ENDOU: variants seen among roughly 807,000 people sequenced by gnomAD.
ENDOU encodes uridylate-specific endoribonuclease.
A neutral mutation model predicts 54.2 loss-of-function variants in ENDOU; 49 were observed. That is an observed-to-expected ratio of 0.90 (90% CI 0.72 to 1.15). ENDOU has a LOEUF of 1.15. Among genes scored for constraint, ENDOU ranks in the 50% most tolerant of loss-of-function variants. The pLI is 0.00. For missense variants in ENDOU, 458 were observed against 511.4 expected (o/e 0.90, Z 1.01); for synonymous variants, 172 against 190.5 (o/e 0.90, Z 0.80).
At chr12:47,724,304 T>G (rs1044634740) in intron 1 of ENDOU, among the ~76,000 whole-genome samples, 2 of 152,156 alleles carry the variant, frequency 1.3e-5, no homozygotes, top group East Asian at 3.9e-4. Flanking sequence ...CAGGCAGAGC[T>G]GGTTTCTGGT....
Position 47,711,740 on chromosome 12 carries a change from G to A in ENDOU, c.1008C>T (p.Phe336=). The A allele has an allele frequency of 6.2e-7, 1 of 1,614,210 alleles. No homozygotes were observed. Among genetic ancestry groups the A allele is most frequent in the Non-Finnish European group, 8.5e-7 (1 of 1,180,042 alleles). Residue 336 remains phenylalanine, a synonymous_variant, in exon 9 of 10, where the codon TTC becomes TTT. Transcript: ENST00000422538. Reference sequence around the variant, plus strand: ...CTTCCTTATAGTAGCCGTCCCAGTTGAACTGCATTGCCAGCACATCGGGGT... The same window carrying A: ...CTTCCTTATAGTAGCCGTCCCAGTTAAACTGCATTGCCAGCACATCGGGGT... ...DSYPDVLAMQ[F]NWDGYYKEVG...
rs201321620 is a variant in ENDOU, at chr12:47,713,386, G to A, written c.754C>T (p.Arg252Cys). The A allele has an allele frequency of 4.5e-5, 72 of 1,612,044 alleles. No individual in the cohort carries two copies. The highest frequency in any genetic ancestry group is 1.0e-4 in the Admixed American group (6 of 60,030). The stretch of plus-strand genomic sequence containing the variant: ...ACAAACTCTTGCTCTGAGCCATAGC[G>A]ATCTGCAGAGGAACACAAAGGGTTT... ...ELYSFLHHQN[R>C]YGSEQEFVDD... The change falls in exon 7 of 10, where the codon CGC (arginine) becomes TGC (cysteine). Residue 252 changes from arginine (R) to cysteine (C), a missense_variant and splice_region_variant. Arg to Cys is a radical substitution (Grantham distance 180). Coordinates refer to ENST00000422538, the MANE Select transcript of ENDOU (RefSeq NM_001172439.2).
At chr12:47,713,627 A>G (rs1163402236) in intron 6 of ENDOU, among the ~76,000 whole-genome samples, 1 of 152,062 alleles carries the variant, frequency 6.6e-6, no homozygotes, top group Non-Finnish European at 1.5e-5. Context: ...TATCTATATT[A>G]CATTCCACTG....
At chr12:47,717,714 C>G in intron 3 of ENDOU, 59 bp from the exon 4 acceptor site, 2 of 1,572,812 alleles carry the variant, frequency 1.3e-6, no homozygotes, top group Non-Finnish European at 1.7e-6. Flanking sequence ...CTGAACGCCC[C>G]ACAGGCTGTC....
At chr12:47,717,148 C>T (rs576713621) in intron 4 of ENDOU, 90 bp from the exon 5 acceptor site, 15 of 1,111,988 alleles carry the variant, frequency 1.3e-5, no homozygotes, top group East Asian at 1.2e-4. Flanking sequence ...TCCTGGGCAC[C>T]TTCAAGAAGC....
Position 47,710,581 on chromosome 12 carries a change from G to A in ENDOU, c.*221C>T. ...TGGACTCTGTTTCTTAGTCAACATT[G>A]CCAAAATTCTAGAGGATAAAGGTTT... On this transcript the variant is annotated 3_prime_UTR_variant, in exon 10 of 10. Transcript: ENST00000422538. 2.1e-6 allele frequency: 1 copy of A among 477,146 alleles called. No homozygotes were observed. Among genetic ancestry groups the A allele is most frequent in the East Asian group, 3.7e-5 (1 of 27,164 alleles). 29.6% of individuals were successfully genotyped at this position (477,146 alleles called of 1,614,324 possible).
At chr12:47,721,617 G>A (rs1940435871) in intron 1 of ENDOU, among the ~76,000 whole-genome samples, 2 of 152,204 alleles carry the variant, frequency 1.3e-5, no homozygotes, top group South Asian at 4.1e-4. Flanking sequence ...GGGGAATGAG[G>A]CGGGTGCGGG....
At chr12:47,722,218 T>C (rs1305584130) in intron 1 of ENDOU, among the ~76,000 whole-genome samples, 1 of 152,058 alleles carries the variant, frequency 6.6e-6, no homozygotes, top group African/African-American at 2.4e-5. Context: ...ATATTAGAGG[T>C]TGGGTTTGGT....
At chr12:47,710,995 CAACTGAAGCAGA>C in intron 9 of ENDOU, 76 bp from the exon 10 acceptor site, 1 of 941,808 alleles carries the variant, frequency 1.1e-6, no homozygotes, top group Non-Finnish European at 1.7e-6. Flanking sequence ...GGATCAAGCC[CAACTGAAGCAGA>C]AGGGCTCCAT....
intron 2 of ENDOU, 48 bp downstream of exon 2, chr12:47,720,705 G>A: frequency 6.5e-7 from 1 of 1,528,736 alleles, no homozygotes; most frequent in African/African-American, 1.4e-5. Context: ...CCAGGCCAGT[G>A]GCCCCTTAGA....
chr12:47,722,178 A>C (rs1940453536), intron 1 of ENDOU, among the ~76,000 whole-genome samples: 1 of 152,190 alleles, frequency 6.6e-6, no homozygotes, highest in South Asian at 2.1e-4. Context: ...GTAGTATCTT[A>C]ATTTAAGCCT....
chr12:47,717,804 C>G, intron 3 of ENDOU, 149 bp from the exon 4 acceptor site: 1 of 772,314 alleles, frequency 1.3e-6, no homozygotes, highest in Non-Finnish European at 2.1e-6. Flanking sequence ...TTCGTGCACA[C>G]CCTTCACAGT....
intron 1 of ENDOU, among the ~76,000 whole-genome samples, chr12:47,722,349 G>T (rs1940458216): frequency 2.0e-5 from 3 of 152,136 alleles, no homozygotes; most frequent in Admixed American, 6.5e-5. Flanking sequence ...TGGAATTCTG[G>T]TTCTACTGCT....
intron 6 of ENDOU, among the ~76,000 whole-genome samples, chr12:47,713,623 T>C (rs993522903): frequency 1.3e-5 from 2 of 151,976 alleles, no homozygotes; most frequent in Admixed American, 6.6e-5. Context: ...TCTCTATCTA[T>C]ATTACATTCC....
At chr12:47,711,505 C>G in intron 9 of ENDOU, 128 bp downstream of exon 9, 1 of 1,142,438 alleles carries the variant, frequency 8.8e-7, no homozygotes, top group Non-Finnish European at 1.2e-6. Flanking sequence ...GAACTGAGGC[C>G]CAAAGCACAG....
intron 7 of ENDOU, 146 bp downstream of exon 7, chr12:47,713,129 C>T: frequency 1.6e-6 from 1 of 621,820 alleles, no homozygotes; most frequent in Middle Eastern, 4.3e-4. Context: ...CGCCCCCCTG[C>T]CATATGGGCA....
At chr12:47,724,699 A>G (rs866945691) in intron 1 of ENDOU, among the ~76,000 whole-genome samples, 14 of 152,024 alleles carry the variant, frequency 9.2e-5, no homozygotes, top group African/African-American at 3.4e-4. Context: ...TTGCACAGTT[A>G]CTAAACAGGA....
chr12:47,717,925 T>C (rs1194043323), intron 3 of ENDOU: 1 of 618,316 alleles, frequency 1.6e-6, no homozygotes, highest in East Asian at 2.8e-5. Context: ...TCAGGCTCTC[T>C]TTCCTAGCTA....
chr12:47,711,013 T>A lies in ENDOU; in HGVS notation c.1116-94A>T, dbSNP rs1463966636. 10 of 741,320 alleles carry A rather than the reference T, an allele frequency of 1.3e-5. No individual in the cohort carries two copies. In the Admixed American group the frequency reaches 2.0e-4, roughly 15 times the overall value. 45.9% of individuals were successfully genotyped at this position (741,320 alleles called of 1,614,324 possible). A position where few individuals can be genotyped will look rare whatever the true frequency, so the allele number is the denominator to read the frequency against. The stretch of plus-strand genomic sequence containing the variant: ...TCAAGCCCAACTGAAGCAGAAGGGC[T>A]CCATTCTGCTTAAACAGCCTTAAAG... On this transcript the variant is annotated intron_variant, in intron 9 of 9. Transcript: ENST00000422538.
Sources: gnomAD v4.1 joint callset for allele counts (sites outside exome capture counted in the v4.1 genomes callset) on GRCh38, gnomAD v4.1.1 for gene constraint, MANE v1.5 for transcripts, NCBI Gene and HGNC (gene_info 2026-07-23, HGNC 2026-07-21) for gene names.